The following AIM2 variants were observed in gnomAD, a reference collection of about 807,000 sequenced individuals.
AIM2 encodes the protein absent in melanoma 2, also known as interferon-inducible protein AIM2.
AIM2 carries 30 observed loss-of-function variants against 27.7 expected under a neutral mutation model. The observed-to-expected ratio is 1.08, with a 90% CI of 0.81 to 1.47. The LOEUF is 1.47. Ranked by LOEUF, AIM2 falls within the 40% of genes most tolerant of loss-of-function variation. The pLI is 0.00. For missense variants in AIM2, 358 were observed against 411.3 expected (o/e 0.87, Z 1.12); for synonymous variants, 141 against 145.3 (o/e 0.97, Z 0.21).
chr1:159,067,104 A>G (rs1354693273), intron 3 of AIM2, among the ~76,000 whole-genome samples: 2 of 152,238 alleles, frequency 1.3e-5, no homozygotes, highest in African/African-American at 2.4e-5. Flanking sequence ...CTTTAGAGAA[A>G]TATGATAAAC....
At chr1:159,055,970 G>A in the AIM2 span, among the ~76,000 whole-genome samples, 3 of 152,102 alleles carry the variant, frequency 2.0e-5, no homozygotes, top group Non-Finnish European at 2.9e-5. Flanking sequence ...TGCTCTTCTC[G>A]TTTGGGGTGT....
At chr1:159,126,640 C>T in intron 1 of AIM2, among the ~76,000 whole-genome samples, 1 of 102,528 alleles carries the variant, frequency 9.8e-6, no homozygotes, top group East Asian at 2.8e-4. Context: ...CAGAGCGAGA[C>T]TACGTCTCAA....
intron 1 of AIM2, among the ~76,000 whole-genome samples, chr1:159,097,103 A>G (rs1454477123): frequency 6.6e-6 from 1 of 151,982 alleles, no homozygotes; most frequent in Non-Finnish European, 1.5e-5. Flanking sequence ...AGGAGACAGA[A>G]AAGTCTGAAT....
At chr1:159,103,635 ATTT>A (rs1657361293) in intron 1 of AIM2, among the ~76,000 whole-genome samples, 1 of 152,120 alleles carries the variant, frequency 6.6e-6, no homozygotes, top group Admixed American at 6.5e-5. Context: ...TGAAATAATC[ATTT>A]TCCTTATTTT....
intron 1 of AIM2, among the ~76,000 whole-genome samples, chr1:159,146,351 C>A (rs1331189963): frequency 6.6e-6 from 1 of 152,036 alleles, no homozygotes; most frequent in Non-Finnish European, 1.5e-5. Context: ...GAATCAGGAC[C>A]CTCTATCCTG....
At chr1:159,102,773 G>A (rs1193616866) in intron 1 of AIM2, among the ~76,000 whole-genome samples, 1 of 152,218 alleles carries the variant, frequency 6.6e-6, no homozygotes. Context: ...TGGAATGAGT[G>A]TATTTACTTA....
At chr1:159,063,328 C>T (rs561182172) in intron 5 of AIM2, among the ~76,000 whole-genome samples, 158 bp downstream of exon 5, 4 of 152,234 alleles carry the variant, frequency 2.6e-5, no homozygotes, top group Non-Finnish European at 4.4e-5. Context: ...ATACATGTTT[C>T]CTAAGAGGGA....
At chr1:159,056,469 AG>A in the AIM2 span, among the ~76,000 whole-genome samples, 1 of 150,342 alleles carries the variant, frequency 6.7e-6, no homozygotes, top group Non-Finnish European at 1.5e-5. Context: ...TCCTGCTGAC[AG>A]GGGGTGCTGT....
intron 1 of AIM2, among the ~76,000 whole-genome samples, chr1:159,130,896 C>A (rs952981875): frequency 6.6e-6 from 1 of 151,412 alleles, no homozygotes; most frequent in South Asian, 2.1e-4. Context: ...AGGATAAAAT[C>A]CTAACTCCTT....
intron 1 of AIM2, among the ~76,000 whole-genome samples, chr1:159,106,923 T>C (rs961299313): frequency 6.6e-6 from 1 of 152,224 alleles, no homozygotes; most frequent in African/African-American, 2.4e-5. Context: ...GTAAACTACA[T>C]AGTACTGTAC....
chr1:159,137,808 T>C (rs1301386583), intron 1 of AIM2, among the ~76,000 whole-genome samples: 3 of 152,210 alleles, frequency 2.0e-5, no homozygotes, highest in African/African-American at 7.2e-5. Flanking sequence ...AGACTTACTT[T>C]GCTTTGATCA....
At chr1:159,080,866 A>G (rs551469176), upstream of AIM2, among the ~76,000 whole-genome samples, 7 of 152,320 alleles carry the variant, frequency 4.6e-5, no homozygotes, top group East Asian at 1.4e-3. Flanking sequence ...AATAGAACCT[A>G]TAACTTATTC....
upstream of AIM2, among the ~76,000 whole-genome samples, chr1:159,077,155 T>C (rs182021350): frequency 3.3e-5 from 5 of 152,336 alleles, no homozygotes; most frequent in East Asian, 5.8e-4. Context: ...AGCGAAAGTA[T>C]AGACATTTTA....
At position 159,063,552 on chromosome 1, in the gene AIM2, T is replaced by A. The variant is rs752791622; in HGVS notation, c.939A>T (p.Thr313=). Residue 313 remains threonine, a synonymous_variant, in exon 5 of 6, where the codon ACA becomes ACT. Coordinates refer to ENST00000368130, the MANE Select transcript of AIM2 (RefSeq NM_004833.3). ...KCKEGDKVRL[T]FFTLSKNGEK... ...CTCCATTTTTTGACAGTGTGAAGAATGTAAGTCGAACCTTATCTCCTTCCT... is the reference window on the plus strand; with the variant it reads ...CTCCATTTTTTGACAGTGTGAAGAAAGTAAGTCGAACCTTATCTCCTTCCT... The A allele has an allele frequency of 2.5e-6, 4 of 1,614,210 alleles. No homozygotes were observed. Among genetic ancestry groups the A allele is most frequent in the Non-Finnish European group, 3.4e-6 (4 of 1,180,034 alleles).
upstream of AIM2, among the ~76,000 whole-genome samples, chr1:159,079,548 T>C (rs1338951169): frequency 6.6e-6 from 1 of 152,160 alleles, no homozygotes; most frequent in East Asian, 1.9e-4. Flanking sequence ...GTTTTTTTCT[T>C]TTTAGTAGAC....
At chr1:159,089,956 C>T (rs573848980) in intron 1 of AIM2, among the ~76,000 whole-genome samples, 2 of 152,332 alleles carry the variant, frequency 1.3e-5, no homozygotes, top group East Asian at 3.9e-4. Flanking sequence ...AGTCTGTGTT[C>T]CAGGACTGCC....
chr1:159,073,600 AT>A, intron 1 of AIM2, 81 bp from the exon 2 acceptor site: 2 of 1,365,300 alleles, frequency 1.5e-6, no homozygotes, highest in Non-Finnish European at 2.0e-6. Flanking sequence ...AGCTATTAAT[AT>A]TTTTTAAAGA....
At chr1:159,066,995 A>C (rs1432356692) in intron 3 of AIM2, among the ~76,000 whole-genome samples, 1 of 152,196 alleles carries the variant, frequency 6.6e-6, no homozygotes, top group African/African-American at 2.4e-5. Flanking sequence ...TATTATTTGA[A>C]ATTATAAAAA....
At chr1:159,116,014 T>C (rs1256196069) in intron 1 of AIM2, among the ~76,000 whole-genome samples, 1 of 152,072 alleles carries the variant, frequency 6.6e-6, no homozygotes, top group Non-Finnish European at 1.5e-5. Flanking sequence ...CATCAATAAG[T>C]GGACAAAGGA....
Sources: allele counts gnomAD v4.1 joint callset (sites outside exome capture counted in the v4.1 genomes callset), GRCh38; gene constraint gnomAD v4.1.1; transcripts MANE v1.5; gene names NCBI Gene and HGNC (gene_info 2026-07-23, HGNC 2026-07-21).